SYMPK: variants seen among roughly 807,000 people sequenced by gnomAD.
SYMPK encodes symplekin.
A neutral mutation model predicts 136.4 loss-of-function variants in SYMPK; 49 were observed. The ratio of observed to expected loss-of-function variants is 0.36; its 90% CI spans 0.29 to 0.46. The LOEUF is 0.46. Ranked by LOEUF, SYMPK falls within the 20% of genes least tolerant of loss-of-function variation. SYMPK has a pLI of 1.00. For missense variants in SYMPK, 1,365 were observed against 1,690.0 expected (o/e 0.81, Z 3.37); for synonymous variants, 766 against 713.0 (o/e 1.07, Z -1.19).
In SYMPK at chr19:45,815,653, G is replaced by C; in HGVS notation, c.3732C>G (p.Pro1244=). 6.2e-7 allele frequency: 1 copy of C among 1,610,754 alleles called. No individual in the cohort carries two copies. The highest frequency in any genetic ancestry group is 8.5e-7 in the Non-Finnish European group (1 of 1,179,132). ...CTTCTCCAACAGGTGCGAGGGTCTG[G>C]GGGCTCCGCTCCTCCTTCAAGGTCA... ...GGLTLKEERS[P]QTLAPVGEDA... is the part of the protein sequence containing the mutation. The change falls in exon 27 of 27, where the codon CCC becomes CCG. Residue 1244 remains proline (P), a synonymous_variant. Transcript: ENST00000245934.
rs145063068 is a variant in SYMPK at position 45,827,565 on chromosome 19, C to G, written c.2126G>C (p.Arg709Pro). The G allele has an allele frequency of 1.9e-6, 3 of 1,613,944 alleles. No individual in the cohort carries two copies. In the African/African-American group the frequency reaches 4.0e-5, roughly 22 times the overall value. The change falls in exon 16 of 27, where the codon CGC (arginine) becomes CCC (proline). Residue 709 changes from arginine (R) to proline (P), a missense_variant. Physicochemically the swap from Arg to Pro is moderately radical, Grantham distance 103 (BLOSUM62 -2). This residue lies in a region of SYMPK where 303 missense variants were observed against 326.6 expected (regional missense o/e 0.93). Coordinates refer to ENST00000245934, the MANE Select transcript of SYMPK (RefSeq NM_004819.3). Reference sequence around the variant, plus strand: ...GAGGACATGCAGGTACTGGAACTGGCGGGACGGGCGCTTGAAGATCAGGTC... The same window carrying G: ...GAGGACATGCAGGTACTGGAACTGGGGGGACGGGCGCTTGAAGATCAGGTC... ...LRDLIFKRPS[R>P]QFQYLHVLLD...
In SYMPK at chr19:45,842,492, G is replaced by C; in HGVS notation, c.848-3C>G. ...GGCCAGCGTCGGGGGCAGGTTGGCT[G>C]TGAGGAAAGTGGCAGGAGCTGTGTC... On this transcript the variant is annotated splice_polypyrimidine_tract_variant and splice_region_variant and intron_variant, in intron 8 of 26. Transcript: ENST00000245934. The C allele has an allele frequency of 6.2e-7, 1 of 1,608,974 alleles. No homozygotes were observed. The highest frequency in any genetic ancestry group is 8.5e-7 in the Non-Finnish European group (1 of 1,176,528).
At chr19:45,823,739 C>T (rs1410528738) in intron 19 of SYMPK, 28 bp downstream of exon 19, 4 of 1,591,352 alleles carry the variant, frequency 2.5e-6, no homozygotes, top group Non-Finnish European at 2.6e-6. Flanking sequence ...GGAGGAAAGC[C>T]ATGAAAGGTG....
At chr19:45,825,461 T>G (rs1334843993) in intron 17 of SYMPK, 130 bp from the exon 18 acceptor site, 1 of 1,177,216 alleles carries the variant, frequency 8.5e-7, no homozygotes, top group Non-Finnish European at 1.2e-6. Context: ...GGGGAGCTAA[T>G]TGTTCTAGGG....
Position 45,825,340 on chromosome 19 carries a change from G to A in SYMPK, c.2330-9C>T. On this transcript the variant is annotated splice_polypyrimidine_tract_variant and intron_variant, in intron 17 of 26. Transcript: ENST00000245934. ...CCAGGGTGCTGCCACCTCTGACAGG[G>A]CAGGAGCGGGCATCAGATTGGCCCA... The A allele has an allele frequency of 6.2e-7, 1 of 1,612,108 alleles. No individual in the cohort carries two copies. Among genetic ancestry groups the A allele is most frequent in the East Asian group, 2.2e-5 (1 of 44,864 alleles).
At chr19:45,816,733 C>T in intron 24 of SYMPK, 65 bp downstream of exon 24, 1 of 1,480,918 alleles carries the variant, frequency 6.8e-7, no homozygotes, top group Non-Finnish European at 9.0e-7. Context: ...CCAGAGGGAC[C>T]CAGGGGGCCG....
At chr19:45,854,060 C>A in intron 3 of SYMPK, 115 bp downstream of exon 3, 1 of 1,007,458 alleles carries the variant, frequency 9.9e-7, no homozygotes. Context: ...AGCACTGTGG[C>A]CGGCACACAC....
rs1971626857 is a variant in SYMPK, at chr19:45,848,820, C to T, written c.356G>A (p.Arg119Lys). Residue 119 changes from arginine (R) to lysine (K), a missense_variant, in exon 6 of 27, where the codon AGG (arginine) becomes AAG (lysine). Physicochemically the swap from Arg to Lys is conservative, Grantham distance 26 (BLOSUM62 2). This residue lies in a region of SYMPK where 237 missense variants were observed against 292.9 expected (regional missense o/e 0.81). Transcript: ENST00000245934. The part of the protein sequence containing the change: ...KLIANLNMLL[R>K]DENVNVVKKA... ...CTTCACCACGTTCACATTCTCGTCC[C>T]TCAAGAGCATGTTGAGGTTTGCAAT... The T allele has an allele frequency of 6.2e-7, 1 of 1,614,048 alleles. No individual in the cohort carries two copies. The highest frequency in any genetic ancestry group is 1.3e-5 in the African/African-American group (1 of 75,020).
In SYMPK at chr19:45,815,967, A is replaced by T; in HGVS notation, c.3571T>A (p.Phe1191Ile). 6.2e-7 allele frequency: 1 copy of T among 1,610,886 alleles called. No individual in the cohort carries two copies. The highest frequency in any genetic ancestry group is 8.5e-7 in the Non-Finnish European group (1 of 1,179,342). Residue 1191 changes from phenylalanine to isoleucine, a missense_variant, in exon 26 of 27, where the codon TTC (phenylalanine) becomes ATC (isoleucine). Phe to Ile is a conservative substitution (Grantham distance 21). This residue lies in a region of SYMPK where 341 missense variants were observed against 270.5 expected (regional missense o/e 1.26). Coordinates refer to ENST00000245934, the MANE Select transcript of SYMPK (RefSeq NM_004819.3). ...TCGCACTCAGGCCCCTCCTCCCGGAAATCCATGGCTTCCTCAGACGGGGGC... is the reference window on the plus strand; with the variant it reads ...TCGCACTCAGGCCCCTCCTCCCGGATATCCATGGCTTCCTCAGACGGGGGC... The part of the protein sequence containing the change: ...GPPPSEEAMD[F>I]REEGPECETP...
intron 9 of SYMPK, among the ~76,000 whole-genome samples, chr19:45,839,090 T>C (rs977755132): frequency 1.3e-5 from 2 of 151,340 alleles, no homozygotes; most frequent in Non-Finnish European, 2.9e-5. Flanking sequence ...GGTTTCACCA[T>C]GTTGGCCAGG....
chr19:45,834,957 T>C (rs1971269751), intron 11 of SYMPK, 121 bp downstream of exon 11: 1 of 938,780 alleles, frequency 1.1e-6, no homozygotes, highest in Non-Finnish European at 1.5e-6. Flanking sequence ...CCTGTCATTA[T>C]CTACACCTTA....
intron 9 of SYMPK, among the ~76,000 whole-genome samples, chr19:45,840,670 A>G (rs1250653507): frequency 6.6e-6 from 1 of 151,924 alleles, no homozygotes; most frequent in Non-Finnish European, 1.5e-5. Flanking sequence ...TCTTTAAAAA[A>G]AAAAAAACAA....
intron 10 of SYMPK, among the ~76,000 whole-genome samples, chr19:45,835,742 T>A (rs1971286657): frequency 6.6e-6 from 1 of 151,982 alleles, no homozygotes; most frequent in Admixed American, 6.6e-5. Context: ...TGAAACCCTG[T>A]CTCTACTAAA....
intron 8 of SYMPK, 154 bp from the exon 9 acceptor site, chr19:45,842,643 C>T: frequency 1.0e-6 from 1 of 1,001,970 alleles, no homozygotes; most frequent in Non-Finnish European, 1.4e-6. Context: ...TTCCGCCTTA[C>T]AAGCTGATGC....
Position 45,821,314 on chromosome 19 carries a change from T to A in SYMPK, c.2893+70A>T, listed in dbSNP as rs542495943. On this transcript the variant is annotated intron_variant, in intron 22 of 26. Coordinates refer to ENST00000245934, the MANE Select transcript of SYMPK (RefSeq NM_004819.3). This position sits in a 1 kb window ranked among gnomAD's most constrained non-coding sequence, Gnocchi z 4.4. Reference sequence around the variant, plus strand: ...GACTTGGCAGATTCCAGTGGGGGCATGTGGGTGACTGAGGTCCTGCCCTGG... The same window carrying A: ...GACTTGGCAGATTCCAGTGGGGGCAAGTGGGTGACTGAGGTCCTGCCCTGG... 8.8e-7 allele frequency: 1 copy of A among 1,131,336 alleles called. No individual in the cohort carries two copies. The highest frequency in any genetic ancestry group is 1.3e-6 in the Non-Finnish European group (1 of 745,272). The allele number at this position is 1,131,336 out of a possible 1,614,324, so 70.1% of individuals were successfully genotyped here. A position where few individuals can be genotyped will look rare whatever the true frequency, so the allele number is the denominator to read the frequency against.
At chr19:45,820,772 T>C (rs1430514681) in intron 22 of SYMPK, 1 of 226,534 alleles carries the variant, frequency 4.4e-6, no homozygotes, top group East Asian at 1.0e-4. Context: ...TGCTTGGCCC[T>C]GAGTAAGTCA....
chr19:45,823,611 C>T lies in SYMPK; in HGVS notation c.2600-139G>A, dbSNP rs925173126. 7.2e-5 allele frequency: 69 copies of T among 958,046 alleles called. 1 individual carries two copies. The highest frequency in any genetic ancestry group is 4.5e-4 in the Middle Eastern group (2 of 4,460). 59.3% of individuals were successfully genotyped at this position (958,046 alleles called of 1,614,324 possible). On this transcript the variant is annotated intron_variant, in intron 19 of 26. Coordinates refer to ENST00000245934, the MANE Select transcript of SYMPK (RefSeq NM_004819.3). ...CTTGGCTGCTCACGTGCAATTAGCA[C>T]CACACTGTTCCAAATGGAGAAACTG...
chr19:45,823,338 G>C (rs1397758161), intron 20 of SYMPK, 34 bp downstream of exon 20: 1 of 1,602,624 alleles, frequency 6.2e-7, no homozygotes, highest in Non-Finnish European at 8.5e-7. Flanking sequence ...ACATGTCCCA[G>C]GTAGCAGGGA....
intron 1 of SYMPK, among the ~76,000 whole-genome samples, chr19:45,861,709 C>A (rs1186413103): frequency 6.6e-6 from 1 of 150,988 alleles, no homozygotes; most frequent in African/African-American, 2.4e-5. Flanking sequence ...TGCACTCCAG[C>A]CTGGGTGACA....
Sources: allele counts gnomAD v4.1 joint callset (sites outside exome capture counted in the v4.1 genomes callset), GRCh38; gene constraint gnomAD v4.1.1; regional missense constraint gnomAD v4.1.1; non-coding constraint Gnocchi (gnomAD v3.1); transcripts MANE v1.5; gene names NCBI Gene and HGNC (gene_info 2026-07-23, HGNC 2026-07-21).